The following GALNT9 variants were observed in gnomAD, a reference collection of about 807,000 sequenced individuals.
GALNT9 encodes the protein polypeptide N-acetylgalactosaminyltransferase 9, also known as GalNAc transferase 9.
In GALNT9, 47 loss-of-function variants were observed where a neutral mutation model predicts 63.1. The observed-to-expected ratio is 0.75, with a 90% CI of 0.59 to 0.95. The LOEUF (loss-of-function observed/expected upper bound fraction) is 0.95. GALNT9 is among the 40% of genes least tolerant of loss of function. The pLI, the probability that GALNT9 is intolerant of heterozygous loss-of-function variation, is 0.00. For missense variants in GALNT9, 829 were observed against 874.8 expected, an observed-to-expected ratio of 0.95 and a Z score of 0.66; for synonymous variants, 396 against 365.7, an observed-to-expected ratio of 1.08 and a Z score of -0.94.
In GALNT9 at chr12:132,246,471, G is replaced by C. The variant is rs1878710138; in HGVS notation, c.1077+1439C>G. Among the ~76,000 whole-genome samples, 1 of 152,128 alleles carries C rather than the reference G, an allele frequency of 6.6e-6. No individual in the cohort carries two copies. The highest frequency in any genetic ancestry group is 6.5e-5 in the Admixed American group (1 of 15,268). ...TGTTTGTAAGTGCCATTTTTAAAAG[G>C]CTCAAGGGACTTTAAAGGCACAAAA... On this transcript the variant is annotated intron_variant, in intron 6 of 10. Coordinates refer to ENST00000328957, the MANE Select transcript of GALNT9 (RefSeq NM_001122636.2). This position sits in a 1 kb window ranked among gnomAD's most constrained non-coding sequence, Gnocchi z 4.7.
chr12:132,230,710 G>A (rs934831192), intron 6 of GALNT9, among the ~76,000 whole-genome samples: 2,651 of 152,340 alleles, frequency 0.017, 59 homozygotes, highest in African/African-American at 0.06. Flanking sequence ...GCTGGGACAC[G>A]GCATATTTTG....
intron 1 of GALNT9, among the ~76,000 whole-genome samples, chr12:132,305,873 T>A (rs1881592503): frequency 6.6e-6 from 1 of 152,172 alleles, no homozygotes; most frequent in Non-Finnish European, 1.5e-5. Context: ...CACTGGGTGA[T>A]GGGGACCAGG....
At chr12:132,324,031 G>A (rs1555246318) in intron 1 of GALNT9, among the ~76,000 whole-genome samples, 1 of 152,250 alleles carries the variant, frequency 6.6e-6, no homozygotes, top group East Asian at 1.9e-4. Flanking sequence ...AAGCTGGAAA[G>A]GCCGCCTGAA....
intron 2 of GALNT9, among the ~76,000 whole-genome samples, chr12:132,285,559 C>A (rs782495032): frequency 4.6e-5 from 7 of 152,224 alleles, no homozygotes; most frequent in Non-Finnish European, 1.5e-5. Context: ...AGCCTGGGGG[C>A]GACAGGATGG....
At position 132,296,986 on chromosome 12, in the gene GALNT9, C is replaced by T. The variant is rs1392740329; in HGVS notation, c.239-10556G>A. 3.9e-5 allele frequency among the ~76,000 whole-genome samples: 6 copies of T among 152,030 alleles called. No individual in the cohort carries two copies. The highest frequency in any genetic ancestry group is 1.3e-4 in the Admixed American group (2 of 15,274). The stretch of plus-strand genomic sequence containing the variant: ...ATTCCCGAAATAAACAACACACTCC[C>T]GAGATGACCAAGTCACTCCCAACAC... On this transcript the variant is annotated intron_variant, in intron 1 of 10. Coordinates refer to ENST00000328957, the MANE Select transcript of GALNT9 (RefSeq NM_001122636.2). The surrounding 1 kb of genome is among the most constrained non-coding windows in gnomAD (Gnocchi z 4.2).
In GALNT9 at chr12:132,215,688, C is replaced by T. The variant is rs1022250883; in HGVS notation, c.1078-11998G>A. On this transcript the variant is annotated intron_variant, in intron 6 of 10. Coordinates refer to ENST00000328957, the MANE Select transcript of GALNT9 (RefSeq NM_001122636.2). ...CATGCCAACCAGCACCCGGGTCCCA[C>T]GAGGCCGGGCTGGCACCATCACAGC... 5.3e-5 allele frequency among the ~76,000 whole-genome samples: 8 copies of T among 152,336 alleles called. No individual in the cohort carries two copies. The South Asian group carries it at 1.0e-3, about 20-fold the overall frequency.
intron 6 of GALNT9, chr12:132,240,457 G>A (rs1012075302): frequency 4.9e-5 from 18 of 370,456 alleles, no homozygotes; most frequent in South Asian, 3.4e-4. Flanking sequence ...CCAGCCCTCA[G>A]AACGGAGCAA....
Position 132,224,607 on chromosome 12 carries a change from ACATACACCC to A in GALNT9, c.1078-20926_1078-20918del, listed in dbSNP as rs1275110894. On this transcript the variant is annotated intron_variant, in intron 6 of 10. Transcript: ENST00000328957. ...ACACCACACAACCCACACCCCACAA[ACATACACCC>A]CATACACCCCATATACACACCCCAG... Among the ~76,000 whole-genome samples, 254 of 119,352 alleles carry A rather than the reference ACATACACCC, an allele frequency of 2.1e-3. 15 individuals are homozygous for A. The highest frequency in any genetic ancestry group is 8.6e-3 in the African/African-American group (235 of 27,252). 78.3% of individuals were successfully genotyped at this position (119,352 alleles called of 152,430 possible). A position where few individuals can be genotyped will look rare whatever the true frequency, so the allele number is the denominator to read the frequency against.
chr12:132,322,599 C>T (rs1293667526), intron 1 of GALNT9, among the ~76,000 whole-genome samples: 3 of 152,194 alleles, frequency 2.0e-5, no homozygotes, highest in Non-Finnish European at 4.4e-5. Flanking sequence ...TCCTGTCACC[C>T]CTTCACAGTT....
At chr12:132,290,988 A>G (rs1315654895) in intron 1 of GALNT9, among the ~76,000 whole-genome samples, 1 of 58,304 alleles carries the variant, frequency 1.7e-5, no homozygotes. Flanking sequence ...CAACCACAGC[A>G]CCCACAACCA....
At chr12:132,291,395 CCACGTCCACAGCGCA>C (rs1427083191) in intron 1 of GALNT9, among the ~76,000 whole-genome samples, 6 of 121,258 alleles carry the variant, frequency 4.9e-5, no homozygotes, top group Non-Finnish European at 6.7e-5. Flanking sequence ...TCCACAGCAC[CCACGTCCACAGCGCA>C]CACGTCCACA....
intron 6 of GALNT9, chr12:132,240,803 C>A (rs1336955140): frequency 3.7e-5 from 16 of 429,880 alleles, no homozygotes; most frequent in Non-Finnish European, 2.8e-5. Flanking sequence ...TACACACATG[C>A]CACACACCCT....
intron 1 of GALNT9, among the ~76,000 whole-genome samples, chr12:132,290,326 A>G (rs1409408422): frequency 1.3e-5 from 2 of 152,142 alleles, no homozygotes; most frequent in African/African-American, 2.4e-5. Context: ...CGGACCGGCC[A>G]AGCCACGGAC....
At chr12:132,313,950 C>T (rs1881925091) in intron 1 of GALNT9, among the ~76,000 whole-genome samples, 1 of 138,852 alleles carries the variant, frequency 7.2e-6, no homozygotes, top group Non-Finnish European at 1.6e-5. Flanking sequence ...ATCCACCCAC[C>T]CATCCATCCA....
rs1463061381 is a variant in GALNT9, at chr12:132,197,923, C to T, written c.1534G>A (p.Gly512Arg). The T allele has an allele frequency of 6.2e-7, 1 of 1,611,864 alleles. No homozygotes were observed. Among genetic ancestry groups the T allele is most frequent in the Non-Finnish European group, 8.5e-7 (1 of 1,179,522 alleles). Residue 512 changes from glycine to arginine, a missense_variant, in exon 10 of 11, where the codon GGG (glycine) becomes AGG (arginine). Transcript: ENST00000328957. ...AAGAAGGCTGTGGAGCCCAGAGGCC[C>T]CAGCTGCAGCAGTCCATCAGCGCTG... ...RYSADGLLQL[G>R]PLGSTAFLPD... is the part of the protein sequence containing the mutation.
chr12:132,210,847 C>T (rs1051646479), intron 6 of GALNT9, among the ~76,000 whole-genome samples: 4 of 144,732 alleles, frequency 2.8e-5, no homozygotes, highest in African/African-American at 5.5e-5. Context: ...GTCTGGAGGT[C>T]GCCGTCTGGC....
chr12:132,233,480 G>A (rs1439670723), intron 6 of GALNT9, among the ~76,000 whole-genome samples: 12 of 56,414 alleles, frequency 2.1e-4, no homozygotes, highest in Non-Finnish European at 3.8e-4. Context: ...TCGATGGCGT[G>A]AGAGAGGAGA....
intron 1 of GALNT9, among the ~76,000 whole-genome samples, chr12:132,320,054 T>C (rs1197683946): frequency 1.3e-5 from 2 of 152,238 alleles, no homozygotes; most frequent in Non-Finnish European, 2.9e-5. Context: ...TTGAGTTTTC[T>C]GTAGCTGAAA....
intron 1 of GALNT9, among the ~76,000 whole-genome samples, chr12:132,325,487 G>A (rs1412296404): frequency 6.6e-6 from 1 of 152,198 alleles, no homozygotes; most frequent in Non-Finnish European, 1.5e-5. Context: ...CCAGAGGGGG[G>A]GCCGTGGGCA....
Sources: gnomAD v4.1 joint callset for allele counts (sites outside exome capture counted in the v4.1 genomes callset) on GRCh38, gnomAD v4.1.1 for gene constraint, Gnocchi (gnomAD v3.1) non-coding constraint, MANE v1.5 for transcripts, NCBI Gene and HGNC (gene_info 2026-07-23, HGNC 2026-07-21) for gene names.